Variants in SGCB observed in about 807,000 individuals in gnomAD.
The protein encoded by SGCB is sarcoglycan beta.
In SGCB, 25 loss-of-function variants were observed where a neutral mutation model predicts 27.3. That is an observed-to-expected ratio of 0.92 (90% confidence interval 0.67 to 1.28). The LOEUF (loss-of-function observed/expected upper bound fraction) is 1.28. SGCB is among the 50% of genes most tolerant of loss of function. The pLI, the probability that SGCB is intolerant of heterozygous loss-of-function variation, is 0.00. For synonymous variants in SGCB, 147 were observed against 133.5 expected, an observed-to-expected ratio of 1.10 and a Z score of -0.70; for missense variants, 436 against 402.1, an observed-to-expected ratio of 1.08 and a Z score of -0.72.
chr4:52,032,078 T>A (rs544862723), intron 2 of SGCB: 20 of 400,178 alleles, frequency 5.0e-5, no homozygotes, highest in South Asian at 3.7e-4. Context: ...GCAGATAGAA[T>A]CCTCTCTGGT....
At chr4:52,038,166 A>G in intron 1 of SGCB, 61 bp downstream of exon 1, 3 of 1,081,258 alleles carry the variant, frequency 2.8e-6, no homozygotes, top group Non-Finnish European at 3.3e-6. Flanking sequence ...CCGCGGGCCC[A>G]GCCGGCAGGA....
In SGCB at chr4:52,038,251, T is replaced by TGCCGCC; in HGVS notation, c.3_8dup (p.Ala8_Ala9dup). On this transcript the variant is annotated inframe_insertion, in exon 1 of 6. Coordinates refer to ENST00000381431, the MANE Select transcript of SGCB (RefSeq NM_000232.5). ...CCTGTTCTGCAGCCGCCGCCGCCGC[T>TGCCGCC]GCCGCCATCTTCCCGCGCCCGCCGC... is the stretch of plus-strand genomic sequence containing the variant. 1 of 1,295,844 alleles carries TGCCGCC rather than the reference T, an allele frequency of 7.7e-7. No individual in the cohort carries two copies. The highest frequency in any genetic ancestry group is 9.8e-7 in the Non-Finnish European group (1 of 1,018,504). 80.3% of individuals were successfully genotyped at this position (1,295,844 alleles called of 1,614,324 possible).
rs1199928633 is a variant in SGCB, at chr4:52,026,362, G to A, written c.753+1606C>T. On this transcript the variant is annotated intron_variant, in intron 5 of 5. Transcript: ENST00000381431. ...CAATCTCTGCCTCCTGGTTTCAAGC[G>A]ATTCTCCTGCCTCAGCCTCCCGGGT... is the stretch of plus-strand genomic sequence containing the variant. Among the ~76,000 whole-genome samples, 3 of 146,346 alleles carry A rather than the reference G, an allele frequency of 2.0e-5. No homozygotes were observed. In the East Asian group the frequency reaches 6.3e-4, roughly 31 times the overall value.
At chr4:52,034,805 T>C (rs1737344598) in intron 1 of SGCB, among the ~76,000 whole-genome samples, 1 of 152,144 alleles carries the variant, frequency 6.6e-6, no homozygotes, top group Non-Finnish European at 1.5e-5. Context: ...GGCTGTATTT[T>C]TGAAATAACA....
At chr4:52,029,958 C>T in intron 2 of SGCB, 95 bp from the exon 3 acceptor site, 1 of 928,720 alleles carries the variant, frequency 1.1e-6, no homozygotes, top group Non-Finnish European at 1.7e-6. Flanking sequence ...TGTTAAAGAC[C>T]TCCTAAAATG....
chr4:52,032,934 T>G (rs1056665615), intron 2 of SGCB, among the ~76,000 whole-genome samples: 3 of 152,236 alleles, frequency 2.0e-5, no homozygotes, highest in African/African-American at 7.2e-5. Context: ...GCCTACCAGA[T>G]TCTTGCATCC....
At position 52,028,915 on chromosome 4, in the gene SGCB, A is replaced by T. The variant is rs1358824250; in HGVS notation, c.436T>A (p.Phe146Ile). 1 of 1,612,760 alleles carries T rather than the reference A, an allele frequency of 6.2e-7. No homozygotes were observed. Among genetic ancestry groups the T allele is most frequent in the Non-Finnish European group, 8.5e-7 (1 of 1,178,776 alleles). The stretch of plus-strand genomic sequence containing the variant: ...CTGAGCTTTGTTGTCCCTTGCTGAA[A>T]AACAATCTTCAAAAAAAACAGTTTA... ...VITGNNQPIV[F>I]QQGTTKLSVE... The change falls in exon 4 of 6, where the codon TTT becomes ATT. Residue 146 changes from phenylalanine to isoleucine, a missense_variant. Transcript: ENST00000381431.
chr4:52,027,369 C>T (rs774054621), intron 5 of SGCB, among the ~76,000 whole-genome samples: 15 of 151,510 alleles, frequency 9.9e-5, no homozygotes, highest in Admixed American at 1.3e-4. Context: ...TCAACAGCCA[C>T]GATAAAGACA....
chr4:52,032,045 C>A (rs573174596), intron 2 of SGCB: 1 of 440,054 alleles, frequency 2.3e-6, no homozygotes, highest in South Asian at 1.6e-5. Context: ...GGAAACCCAA[C>A]CCCTACCCTC....
At chr4:52,038,136 C>A (rs1737448439) in intron 1 of SGCB, 91 bp downstream of exon 1, 43 of 1,118,146 alleles carry the variant, frequency 3.8e-5, no homozygotes, top group Non-Finnish European at 4.7e-5. Flanking sequence ...CCGCGCCCCC[C>A]GCACCCCCGG....
chr4:52,035,489 A>G (rs1345071587), intron 1 of SGCB, among the ~76,000 whole-genome samples: 4 of 152,152 alleles, frequency 2.6e-5, no homozygotes. Context: ...GAAGTTGGAA[A>G]AGTAGGGCCA....
intron 1 of SGCB, 87 bp from the exon 2 acceptor site, chr4:52,033,727 A>C: frequency 1.0e-6 from 1 of 992,840 alleles, no homozygotes; most frequent in Non-Finnish European, 1.6e-6. Context: ...TAGCTATAGC[A>C]AGCTGAATTG....
chr4:52,033,653 T>C lies in SGCB; in HGVS notation c.34-13A>G, dbSNP rs764328224. The C allele has an allele frequency of 1.2e-5, 19 of 1,592,970 alleles. No homozygotes were observed. Among genetic ancestry groups the C allele is most frequent in the Non-Finnish European group, 1.5e-5 (17 of 1,161,002 alleles). On this transcript the variant is annotated splice_polypyrimidine_tract_variant and intron_variant, in intron 1 of 5. Coordinates refer to ENST00000381431, the MANE Select transcript of SGCB (RefSeq NM_000232.5). ...CATTGGAACTTTGCTAAAAATGAAA[T>C]ACAACATAATGGAACAGCTATACCC...
rs1736961830 is a variant in SGCB, at chr4:52,021,932, C to T, written c.*2025G>A. ...TAAAAATAGATTATTTCCTGAACTA[C>T]ATTTAATAAATAATATTTTGTAATA... On this transcript the variant is annotated 3_prime_UTR_variant, in exon 6 of 6. Transcript: ENST00000381431. 6.6e-6 allele frequency: 1 copy of T among 152,240 alleles called. No homozygotes were observed. The highest frequency in any genetic ancestry group is 2.4e-5 in the African/African-American group (1 of 41,550). The allele number at this position is 152,240 out of a possible 1,614,324, so 9.4% of individuals were successfully genotyped here.
intron 4 of SGCB, among the ~76,000 whole-genome samples, chr4:52,028,460 A>C (rs1424232459): frequency 6.6e-6 from 1 of 152,034 alleles, no homozygotes; most frequent in East Asian, 1.9e-4. Flanking sequence ...ACACGGTGAA[A>C]CCCCGTCTCT....
In SGCB at chr4:52,023,556, C is replaced by T. The variant is rs1737008818; in HGVS notation, c.*401G>A. 1.7e-5 allele frequency: 3 copies of T among 177,548 alleles called. No individual in the cohort carries two copies. The highest frequency in any genetic ancestry group is 5.6e-5 in the Admixed American group (1 of 17,964). 11.0% of individuals were successfully genotyped at this position (177,548 alleles called of 1,614,324 possible). ...AGAAGCTAAAAGGCAGAGCATGAAA[C>T]GCTGATGCCATACCTTTTTAAATAT... On this transcript the variant is annotated 3_prime_UTR_variant, in exon 6 of 6. Transcript: ENST00000381431.
chr4:52,036,360 G>A (rs1737392209), intron 1 of SGCB, among the ~76,000 whole-genome samples: 1 of 152,144 alleles, frequency 6.6e-6, no homozygotes, highest in East Asian at 1.9e-4. Flanking sequence ...GTGTAGGGAT[G>A]AAGCAAGAAA....
At chr4:52,024,288 A>G in intron 5 of SGCB, 128 bp from the exon 6 acceptor site, 1 of 711,718 alleles carries the variant, frequency 1.4e-6, no homozygotes. Flanking sequence ...TCACAAACAA[A>G]ACAACAACAG....
Position 52,024,164 on chromosome 4 carries a change from T to C in SGCB, c.754-4A>G. On this transcript the variant is annotated splice_polypyrimidine_tract_variant and splice_region_variant and intron_variant, in intron 5 of 5. Transcript: ENST00000381431. ...CATTTAGGATGATACTGTTTTCCTA[T>C]TAGGAGAATAGTAATATGATTTATT... The C allele has an allele frequency of 6.2e-7, 1 of 1,607,954 alleles. No individual in the cohort carries two copies. Among genetic ancestry groups the C allele is most frequent in the South Asian group, 1.1e-5 (1 of 90,890 alleles).
Sources: allele counts gnomAD v4.1 joint callset (sites outside exome capture counted in the v4.1 genomes callset), GRCh38; gene constraint gnomAD v4.1.1; transcripts MANE v1.5; gene names NCBI Gene and HGNC (gene_info 2026-07-23, HGNC 2026-07-21).